The following SRSF11 variants were observed in gnomAD, a reference collection of about 807,000 sequenced individuals.
SRSF11 encodes serine/arginine-rich splicing factor 11.
Under a neutral mutation model 56.0 loss-of-function variants are expected in SRSF11, and 9 were observed. The observed-to-expected ratio is 0.16, with a 90% CI of 0.10 to 0.28. The LOEUF (loss-of-function observed/expected upper bound fraction) is 0.28. Ranked by LOEUF, SRSF11 falls within the 10% of genes least tolerant of loss-of-function variation. The probability of loss-of-function intolerance (pLI) is 1.00; values close to 1 mark genes in which losing one functional copy is unlikely to be tolerated. For synonymous variants in SRSF11, 222 were observed against 215.3 expected, an observed-to-expected ratio of 1.03 and a Z score of -0.27; for missense variants, 421 against 600.7, an observed-to-expected ratio of 0.70 and a Z score of 3.13.
intron 9 of SRSF11, among the ~76,000 whole-genome samples, chr1:70,247,557 A>T (rs899970078): frequency 6.6e-6 from 1 of 152,122 alleles, no homozygotes; most frequent in Non-Finnish European, 1.5e-5. Context: ...AAAAAAAATA[A>T]CTGAAATGTA....
At position 70,208,383 on chromosome 1, in the gene SRSF11, G is replaced by A. The variant is rs1032091890; in HGVS notation, c.-26+2603G>A. Among the ~76,000 whole-genome samples the A allele has an allele frequency of 2.0e-5, 3 of 152,068 alleles. No individual in the cohort carries two copies. In the East Asian group the frequency reaches 5.8e-4, roughly 29 times the overall value. On this transcript the variant is annotated intron_variant, in intron 1 of 12. Coordinates refer to the SRSF11 transcript ENST00000370950. ...GAGTCTCGCACTGTCACCCAGCCTA[G>A]AGTGCAATGGCTCAACCTTGGTCAC...
At chr1:70,229,209 G>C in intron 2 of SRSF11, 2 of 1,288,924 alleles carry the variant, frequency 1.6e-6, no homozygotes, top group Non-Finnish European at 2.0e-6. Context: ...GATTTTTATA[G>C]TGGAGAAGGC....
intron 1 of SRSF11, among the ~76,000 whole-genome samples, chr1:70,207,178 C>A (rs1180427645): frequency 6.6e-6 from 1 of 152,038 alleles, no homozygotes; most frequent in Admixed American, 6.6e-5. Flanking sequence ...AGGTGTCAGT[C>A]GCCGTGCCCA....
At chr1:70,224,484 C>T (rs907593038) in intron 1 of SRSF11, among the ~76,000 whole-genome samples, 1 of 152,168 alleles carries the variant, frequency 6.6e-6, no homozygotes, top group African/African-American at 2.4e-5. Context: ...TTAACAACTT[C>T]TCTCCTGTAG....
chr1:70,229,724 C>A, intron 2 of SRSF11: 1 of 984,302 alleles, frequency 1.0e-6, no homozygotes, highest in Non-Finnish European at 1.2e-6. Context: ...AGCATTTACA[C>A]CATACCTTGT....
intron 9 of SRSF11, chr1:70,249,469 G>A (rs889644033): frequency 6.6e-6 from 1 of 152,206 alleles, no homozygotes; most frequent in Non-Finnish European, 1.5e-5. Flanking sequence ...GTTTTCTTGA[G>A]GGTAGTAAAG....
intron 2 of SRSF11, chr1:70,230,668 T>G (rs1202612273): frequency 8.0e-7 from 1 of 1,253,150 alleles, no homozygotes; most frequent in Admixed American, 3.0e-5. Context: ...TTTTAAATAG[T>G]CTTTTTTTAA....
In SRSF11 at chr1:70,238,524, G is replaced by A. The variant is rs1292565490; in HGVS notation, c.719-915G>A. Among the ~76,000 whole-genome samples, 5 of 152,078 alleles carry A rather than the reference G, an allele frequency of 3.3e-5. No homozygotes were observed. The South Asian group carries it at 8.3e-4, about 25-fold the overall frequency. ...ACAATGACTTTATTTCTCTTGTTATGTCCCCAGTTAAGGAATTTCTTATGT... is the reference window on the plus strand; with the variant it reads ...ACAATGACTTTATTTCTCTTGTTATATCCCCAGTTAAGGAATTTCTTATGT... On this transcript the variant is annotated intron_variant, in intron 6 of 11. Transcript: ENST00000370949.
At chr1:70,230,048 C>T in intron 2 of SRSF11, 1 of 985,288 alleles carries the variant, frequency 1.0e-6, no homozygotes. Context: ...AGGGTCAAAT[C>T]ATGTGAGTAA....
intron 5 of SRSF11, among the ~76,000 whole-genome samples, chr1:70,236,792 A>ATTTTTTTTTT (rs35602423): frequency 1.2e-5 from 1 of 83,778 alleles, no homozygotes; most frequent in African/African-American, 4.3e-5. Flanking sequence ...TATGTCATAA[A>ATTTTTTTTTT]TTTTTTTTTT....
chr1:70,224,912 A>T (rs1387132383), intron 1 of SRSF11, among the ~76,000 whole-genome samples: 3 of 152,170 alleles, frequency 2.0e-5, no homozygotes. Context: ...TTCTAAATGT[A>T]CCTTAATCCT....
intron 1 of SRSF11, chr1:70,222,705 T>G (rs1670928442): frequency 6.6e-6 from 1 of 152,220 alleles, no homozygotes; most frequent in Admixed American, 6.5e-5. Context: ...ACAATTCAAA[T>G]GTCATTATCA....
rs868834663 is a variant in SRSF11 at position 70,232,883 on chromosome 1, C to T, written c.447+506C>T. On this transcript the variant is annotated intron_variant, in intron 3 of 11. Coordinates refer to ENST00000370949, the MANE Select transcript of SRSF11 (RefSeq NM_001350605.2). ...GTTGCAATAGTGTTTCTAACACTGA[C>T]AGTGCTGTACGAAGCTTATTTTAGA... Among the ~76,000 whole-genome samples the T allele has an allele frequency of 4.6e-5, 7 of 152,162 alleles. No homozygotes were observed. In the South Asian group the frequency reaches 8.3e-4, roughly 18 times the overall value.
chr1:70,227,750 T>C (rs1672115784), intron 1 of SRSF11, among the ~76,000 whole-genome samples: 1 of 152,188 alleles, frequency 6.6e-6, no homozygotes, highest in Non-Finnish European at 1.5e-5. Flanking sequence ...AAGGAAGTAA[T>C]TTGTTGAGGG....
rs181415073 is a variant in SRSF11 at position 70,228,348 on chromosome 1, G to T, written c.204-74G>T. The T allele has an allele frequency of 5.2e-6, 6 of 1,143,626 alleles. No individual in the cohort carries two copies. In the East Asian group the frequency reaches 9.5e-5, roughly 18 times the overall value. 70.8% of individuals were successfully genotyped at this position (1,143,626 alleles called of 1,614,324 possible). A position where few individuals can be genotyped will look rare whatever the true frequency, so the allele number is the denominator to read the frequency against. ...TTTTAATCTGTTTTACTTTTGAAAT[G>T]TGTTGGTTTGTGAATTAGCATTTGT... On this transcript the variant is annotated intron_variant, in intron 1 of 11. Coordinates refer to ENST00000370949, the MANE Select transcript of SRSF11 (RefSeq NM_001350605.2).
chr1:70,247,205 C>T (rs1358446015), intron 9 of SRSF11: 3 of 676,084 alleles, frequency 4.4e-6, no homozygotes, highest in African/African-American at 3.8e-5. Flanking sequence ...CTGAATTGTT[C>T]CATTAAGTAA....
At position 70,228,471 on chromosome 1, in the gene SRSF11, G is replaced by A. The variant is rs1459830076; in HGVS notation, c.253G>A (p.Asp85Asn). The change falls in exon 2 of 12, where the codon GAT becomes AAT. Residue 85 changes from aspartate to asparagine, a missense_variant. Physicochemically the swap from Asp to Asn is conservative, Grantham distance 23. Coordinates refer to ENST00000370949, the MANE Select transcript of SRSF11 (RefSeq NM_001350605.2). ...SSRVCFVKFH[D>N]PDSAVVAQHL... is the part of the protein sequence containing the mutation. The stretch of plus-strand genomic sequence containing the variant: ...TCGTGTCTGCTTTGTTAAGTTCCAT[G>A]ATCCAGACTCAGCAGTTGTGGCACA... The A allele has an allele frequency of 6.2e-7, 1 of 1,613,314 alleles. No individual in the cohort carries two copies. Among genetic ancestry groups the A allele is most frequent in the East Asian group, 2.2e-5 (1 of 44,826 alleles).
chr1:70,217,416 C>T (rs563543194), upstream of SRSF11, among the ~76,000 whole-genome samples: 90 of 152,228 alleles, frequency 5.9e-4, no homozygotes, highest in South Asian at 8.3e-4. Flanking sequence ...CTTGGCCTGC[C>T]GAAGTACTTG....
chr1:70,236,792 ATTTTTTTT>A (rs35602423), intron 5 of SRSF11, among the ~76,000 whole-genome samples: 2 of 83,738 alleles, frequency 2.4e-5, no homozygotes, highest in Admixed American at 1.5e-4. Flanking sequence ...TATGTCATAA[ATTTTTTTT>A]TTTTTTTTTT....
Sources: gnomAD v4.1 joint callset for allele counts (sites outside exome capture counted in the v4.1 genomes callset) on GRCh38, gnomAD v4.1.1 for gene constraint, MANE v1.5 for transcripts, NCBI Gene and HGNC (gene_info 2026-07-23, HGNC 2026-07-21) for gene names.